The following EVC2 variants were observed in gnomAD, a reference collection of about 807,000 sequenced individuals.
EVC2 encodes EvC ciliary complex subunit 2, also known as limbin.
In EVC2, 148 loss-of-function variants were observed where a neutral mutation model predicts 149.3. That is an observed-to-expected ratio of 0.99 (90% CI 0.87 to 1.14). EVC2 has a LOEUF of 1.14. Among genes scored for constraint, EVC2 ranks in the 50% most tolerant of loss-of-function variants. The pLI, the probability that EVC2 is intolerant of heterozygous loss-of-function variation, is 0.00. For missense variants in EVC2, 1,854 were observed against 1,627.3 expected, an observed-to-expected ratio of 1.14 and a Z score of -2.40; for synonymous variants, 776 against 649.9, an observed-to-expected ratio of 1.19 and a Z score of -2.95.
downstream of EVC2, among the ~76,000 whole-genome samples, chr4:5,539,480 AACTT>A (rs1000137499): frequency 1.3e-5 from 2 of 152,170 alleles, no homozygotes; most frequent in African/African-American, 4.8e-5. Context: ...TAGCCAAAAC[AACTT>A]ACTTTGCAAA....
At chr4:5,579,728 C>G (rs918557270) in intron 17 of EVC2, among the ~76,000 whole-genome samples, 5 of 152,148 alleles carry the variant, frequency 3.3e-5, no homozygotes, top group African/African-American at 1.2e-4. Context: ...ATAGTCCCAG[C>G]TACTCGGGAG....
intron 9 of EVC2, among the ~76,000 whole-genome samples, chr4:5,643,154 A>G (rs60244697): frequency 0.015 from 2,255 of 152,242 alleles, 44 homozygotes; most frequent in African/African-American, 0.052. Flanking sequence ...CATACTGACT[A>G]TTTTCAGTTA....
intron 21 of EVC2, among the ~76,000 whole-genome samples, chr4:5,548,800 T>C (rs980281299): frequency 1.3e-5 from 2 of 152,230 alleles, no homozygotes; most frequent in Non-Finnish European, 1.5e-5. Flanking sequence ...TACACAAATT[T>C]GGAAGCTACA....
In EVC2 at chr4:5,568,580, G is replaced by T; in HGVS notation, c.3421C>A (p.Arg1141=). 1 of 1,607,622 alleles carries T rather than the reference G, an allele frequency of 6.2e-7. No individual in the cohort carries two copies. The highest frequency in any genetic ancestry group is 8.5e-7 in the Non-Finnish European group (1 of 1,179,568). ...MAMVPGATLR[R]LLSVVLPTAS... ...GTGGGCAGTACCACACTCAGGAGCC[G>T]GCGAAGCGTGGCCCCGGGCACCATG... The change falls in exon 20 of 22, where the codon CGG becomes AGG. Residue 1141 remains arginine, a synonymous_variant. Transcript: ENST00000344408.
intron 16 of EVC2, among the ~76,000 whole-genome samples, chr4:5,586,278 A>C (rs1712271397): frequency 1.3e-5 from 2 of 152,042 alleles, no homozygotes; most frequent in African/African-American, 4.8e-5. Context: ...TATTAGCTAT[A>C]GCTCTGTTTT....
At chr4:5,619,549 T>C (rs1328042885) in intron 14 of EVC2, among the ~76,000 whole-genome samples, 1 of 152,228 alleles carries the variant, frequency 6.6e-6, no homozygotes, top group Non-Finnish European at 1.5e-5. Flanking sequence ...GCCTTGATCT[T>C]GGACTTCCTA....
intron 16 of EVC2, among the ~76,000 whole-genome samples, chr4:5,600,944 G>C (rs1230935083): frequency 6.6e-6 from 1 of 152,210 alleles, no homozygotes; most frequent in Non-Finnish European, 1.5e-5. Context: ...CAGGGTCCTA[G>C]TGAAAGTTTA....
rs1445091824 is a variant in EVC2, at chr4:5,663,331, G to A, written c.1006-85C>T. 7 of 1,586,466 alleles carry A rather than the reference G, an allele frequency of 4.4e-6. No individual in the cohort carries two copies. In the South Asian group the frequency reaches 4.4e-5, roughly 10 times the overall value. Reference sequence around the variant, plus strand: ...AGAAAGCCAGGAGGGAAGGCCAGGGGTCTGCAGTCTGAGCACCCAATCAGC... The same window carrying A: ...AGAAAGCCAGGAGGGAAGGCCAGGGATCTGCAGTCTGAGCACCCAATCAGC... On this transcript the variant is annotated intron_variant, in intron 8 of 21. Transcript: ENST00000344408.
intron 21 of EVC2, among the ~76,000 whole-genome samples, chr4:5,544,527 A>T (rs1311730445): frequency 1.3e-5 from 2 of 152,192 alleles, no homozygotes; most frequent in African/African-American, 4.8e-5. Context: ...GGAGTCAGAG[A>T]GCTGAGAGTG....
rs559540518 is a variant in EVC2, at chr4:5,684,498, C to T, written c.816+872G>A. Among the ~76,000 whole-genome samples, 3 of 152,242 alleles carry T rather than the reference C, an allele frequency of 2.0e-5. No individual in the cohort carries two copies. The South Asian group carries it at 6.2e-4, about 32-fold the overall frequency. On this transcript the variant is annotated intron_variant, in intron 6 of 21. Transcript: ENST00000344408. The stretch of plus-strand genomic sequence containing the variant: ...GAAGACTTTCTCCAGAGGCTGAAGA[C>T]ACAATAAAATGACAAAAGGAAGCAG...
At chr4:5,705,660 G>C (rs879445090) in intron 1 of EVC2, among the ~76,000 whole-genome samples, 1 of 152,236 alleles carries the variant, frequency 6.6e-6, no homozygotes, top group East Asian at 1.9e-4. Flanking sequence ...AATGGAAGGA[G>C]CTGGATTCTC....
intron 9 of EVC2, among the ~76,000 whole-genome samples, chr4:5,662,572 A>G (rs964267472): frequency 2.1e-5 from 3 of 143,472 alleles, no homozygotes; most frequent in African/African-American, 7.6e-5. Flanking sequence ...AATATAATAT[A>G]TATTTATATT....
chr4:5,683,597 T>G (rs542339822), intron 6 of EVC2, among the ~76,000 whole-genome samples: 1 of 151,144 alleles, frequency 6.6e-6, no homozygotes, highest in African/African-American at 2.4e-5. Flanking sequence ...AGTGAGGGAG[T>G]GGGGGAGGGG....
At chr4:5,615,060 G>A (rs1314766938) in intron 16 of EVC2, among the ~76,000 whole-genome samples, 1 of 152,136 alleles carries the variant, frequency 6.6e-6, no homozygotes, top group African/African-American at 2.4e-5. Context: ...AGGAGAGTGT[G>A]AGAGAGAAAA....
At chr4:5,616,082 C>T (rs1378138960) in intron 15 of EVC2, among the ~76,000 whole-genome samples, 2 of 152,192 alleles carry the variant, frequency 1.3e-5, no homozygotes, top group African/African-American at 2.4e-5. Context: ...CCATCAGGCA[C>T]ATCTCTGCCC....
chr4:5,625,746 T>A lies in EVC2; in HGVS notation c.2046+3A>T. 1 of 1,614,198 alleles carries A rather than the reference T, an allele frequency of 6.2e-7. No homozygotes were observed. The highest frequency in any genetic ancestry group is 8.5e-7 in the Non-Finnish European group (1 of 1,180,046). On this transcript the variant is annotated splice_donor_region_variant and intron_variant, in intron 13 of 21. Transcript: ENST00000344408. This position sits in a 1 kb window ranked among gnomAD's most constrained non-coding sequence, Gnocchi z 4.0. ...AGAATAAATAGCATCATGCCTTATA[T>A]ACCTTTTGTAGCAACTCTCGTCTTC...
In EVC2 at chr4:5,617,147, A is replaced by G. The variant is rs371312992; in HGVS notation, c.2706+1331T>C. Among the ~76,000 whole-genome samples the G allele has an allele frequency of 5.0e-3, 759 of 152,348 alleles. 5 individuals are homozygous for G. Among genetic ancestry groups the G allele is most frequent in the Middle Eastern group, 0.01 (3 of 294 alleles). On this transcript the variant is annotated intron_variant, in intron 15 of 21. Coordinates refer to ENST00000344408, the MANE Select transcript of EVC2 (RefSeq NM_147127.5). ...GTCAAAGATTCCAAGTTGTTTCTGC[A>G]TCCACTGGTTTACATTCAGAAAGGA...
intron 9 of EVC2, among the ~76,000 whole-genome samples, chr4:5,641,127 A>G (rs1245942239): frequency 6.6e-6 from 1 of 152,216 alleles, no homozygotes; most frequent in African/African-American, 2.4e-5. Context: ...AAACCAAGGG[A>G]AAAATGGATA....
At chr4:5,667,660 A>G (rs1196538411) in intron 7 of EVC2, among the ~76,000 whole-genome samples, 1 of 152,248 alleles carries the variant, frequency 6.6e-6, no homozygotes, top group African/African-American at 2.4e-5. Context: ...ACATGCTTCC[A>G]GACTCCAGCG....
Sources: allele counts gnomAD v4.1 joint callset (sites outside exome capture counted in the v4.1 genomes callset), GRCh38; gene constraint gnomAD v4.1.1; non-coding constraint Gnocchi (gnomAD v3.1); transcripts MANE v1.5; gene names NCBI Gene and HGNC (gene_info 2026-07-23, HGNC 2026-07-21).